Variants in PRKCH observed in about 807,000 individuals in gnomAD.
The protein encoded by PRKCH is protein kinase C eta, also known as protein kinase C eta type.
PRKCH carries 28 observed loss-of-function variants against 82.5 expected under a neutral mutation model. The observed-to-expected ratio is 0.34, with a 90% CI of 0.25 to 0.47. The LOEUF is 0.47. PRKCH is among the 20% of genes least tolerant of loss of function. The pLI is 1.00. For missense variants in PRKCH, 705 were observed against 881.8 expected, an observed-to-expected ratio of 0.80 and a Z score of 2.54; for synonymous variants, 322 against 327.4, an observed-to-expected ratio of 0.98 and a Z score of 0.18.
intron 1 of PRKCH, among the ~76,000 whole-genome samples, chr14:61,222,349 T>A (rs984030285): frequency 6.6e-6 from 1 of 152,226 alleles, no homozygotes; most frequent in Non-Finnish European, 1.5e-5. Flanking sequence ...TTTTGTTATT[T>A]ATTTGGTGTT....
chr14:61,518,377 G>T (rs17098676), intron 10 of PRKCH, among the ~76,000 whole-genome samples: 2 of 151,492 alleles, frequency 1.3e-5, no homozygotes, highest in African/African-American at 4.9e-5. Context: ...AATTTGCACC[G>T]CTTCAGCCAG....
intron 2 of PRKCH, among the ~76,000 whole-genome samples, chr14:61,440,925 C>CTT (rs71117817): frequency 0.73 from 107,903 of 147,352 alleles, 43,597 homozygotes; most frequent in Non-Finnish European, 0.89. Flanking sequence ...CATTTTTTTT[C>CTT]TTTTTTTTTT....
chr14:61,384,804 A>G (rs955792989), intron 1 of PRKCH, among the ~76,000 whole-genome samples: 1 of 152,050 alleles, frequency 6.6e-6, no homozygotes, highest in Admixed American at 6.5e-5. Flanking sequence ...CGGGGACTCA[A>G]AAGTGTAGAA....
rs72122441 is a variant in PRKCH, at chr14:61,453,827, AT to A, written c.960+485del. On this transcript the variant is annotated intron_variant, in intron 7 of 13. Coordinates refer to ENST00000332981, the MANE Select transcript of PRKCH (RefSeq NM_006255.5). ...CACCACTATGTCAGGGTAATTTTTT[AT>A]TTTTTTTTTTGTAGAGATGGAGTCT... Among the ~76,000 whole-genome samples the A allele has an allele frequency of 0.02, 2,858 of 144,050 alleles. 185 individuals carry two copies. The East Asian group carries it at 0.26, about 13-fold the overall frequency. 94.5% of individuals were successfully genotyped at this position (144,050 alleles called of 152,430 possible).
At chr14:61,211,517 A>T (rs2044580682) in intron 1 of PRKCH, among the ~76,000 whole-genome samples, 1 of 152,200 alleles carries the variant, frequency 6.6e-6, no homozygotes, top group Non-Finnish European at 1.5e-5. Context: ...TTATAATTCT[A>T]CACAACATCT....
intron 2 of PRKCH, among the ~76,000 whole-genome samples, chr14:61,419,819 A>G (rs1214119271): frequency 2.0e-5 from 3 of 152,242 alleles, no homozygotes; most frequent in Non-Finnish European, 4.4e-5. Context: ...ATTTCTGTCT[A>G]TGTATTATGT....
chr14:61,333,154 G>A lies in PRKCH; in HGVS notation c.363+10690G>A, dbSNP rs543706795. Among the ~76,000 whole-genome samples the A allele has an allele frequency of 1.3e-3, 198 of 152,302 alleles. 1 individual carries two copies. Among genetic ancestry groups the A allele is most frequent in the Middle Eastern group, 6.8e-3 (2 of 294 alleles). The stretch of plus-strand genomic sequence containing the variant: ...CTTAGATGCTTTAATATAGATTACT[G>A]TTGTTTAATTATGGTACAGAAGAGT... On this transcript the variant is annotated intron_variant, in intron 1 of 13. Coordinates refer to ENST00000332981, the MANE Select transcript of PRKCH (RefSeq NM_006255.5).
chr14:61,251,336 A>G (rs1247436881), intron 1 of PRKCH, among the ~76,000 whole-genome samples: 2 of 152,008 alleles, frequency 1.3e-5, no homozygotes, highest in African/African-American at 4.8e-5. Flanking sequence ...CCCATTAACC[A>G]TCCCACTTTC....
intron 9 of PRKCH, among the ~76,000 whole-genome samples, chr14:61,469,538 G>T (rs1286331508): frequency 6.6e-6 from 1 of 152,218 alleles, no homozygotes; most frequent in Non-Finnish European, 1.5e-5. Flanking sequence ...AGCTGGGACT[G>T]CCAGGTAGGA....
chr14:61,337,524 G>T (rs911941935), intron 1 of PRKCH, among the ~76,000 whole-genome samples: 1 of 152,184 alleles, frequency 6.6e-6, no homozygotes, highest in Non-Finnish European at 1.5e-5. Flanking sequence ...GGGCTCAACT[G>T]ATCCTCTTGC....
chr14:61,476,337 G>A (rs1014428204), intron 9 of PRKCH: 4 of 152,118 alleles, frequency 2.6e-5, no homozygotes, highest in Admixed American at 2.6e-4. Context: ...AAGGGTTTCC[G>A]GTCCCCCATG....
intron 9 of PRKCH, among the ~76,000 whole-genome samples, chr14:61,464,675 A>T (rs1454220624): frequency 6.6e-6 from 1 of 152,128 alleles, no homozygotes; most frequent in African/African-American, 2.4e-5. Flanking sequence ...GCTGAGAATG[A>T]TGGTTTCCAG....
At chr14:61,259,683 T>C (rs2045029801) in intron 1 of PRKCH, among the ~76,000 whole-genome samples, 1 of 152,240 alleles carries the variant, frequency 6.6e-6, no homozygotes, top group African/African-American at 2.4e-5. Context: ...ATCTTTTCAA[T>C]AAATCTCCAC....
intron 12 of PRKCH, among the ~76,000 whole-genome samples, chr14:61,532,145 A>G (rs1246802529): frequency 6.6e-6 from 1 of 152,168 alleles, no homozygotes; most frequent in African/African-American, 2.4e-5. Flanking sequence ...ATGGTTTTCC[A>G]TGCTCCACAT....
At chr14:61,240,602 A>C (rs1269599742) in intron 1 of PRKCH, among the ~76,000 whole-genome samples, 2 of 152,082 alleles carry the variant, frequency 1.3e-5, no homozygotes, top group African/African-American at 4.8e-5. Flanking sequence ...TTCGGTTAGA[A>C]AGGAAATGGT....
intron 1 of PRKCH, among the ~76,000 whole-genome samples, chr14:61,335,463 A>G (rs2045844500): frequency 6.6e-6 from 1 of 152,216 alleles, no homozygotes; most frequent in African/African-American, 2.4e-5. Context: ...ATAGGGCCCC[A>G]ACTTGTTTTT....
chr14:61,427,710 C>T (rs1169491022), intron 2 of PRKCH, among the ~76,000 whole-genome samples: 1 of 151,988 alleles, frequency 6.6e-6, no homozygotes, highest in Non-Finnish European at 1.5e-5. Context: ...CCTCAGCTGC[C>T]CAAGTAGCTG....
At chr14:61,431,779 A>G (rs936881415) in intron 2 of PRKCH, among the ~76,000 whole-genome samples, 1 of 152,178 alleles carries the variant, frequency 6.6e-6, no homozygotes, top group African/African-American at 2.4e-5. Flanking sequence ...CTTTTATTAT[A>G]CAATCACTTC....
intron 1 of PRKCH, among the ~76,000 whole-genome samples, chr14:61,343,015 G>A (rs1177047447): frequency 1.3e-5 from 2 of 152,318 alleles, no homozygotes; most frequent in East Asian, 1.9e-4. Flanking sequence ...CCATGGATCC[G>A]ATATTGTTCT....
Sources: allele counts gnomAD v4.1 joint callset (sites outside exome capture counted in the v4.1 genomes callset), GRCh38; gene constraint gnomAD v4.1.1; transcripts MANE v1.5; gene names NCBI Gene and HGNC (gene_info 2026-07-23, HGNC 2026-07-21).